The following SCAF11 variants were observed in gnomAD, a reference collection of about 807,000 sequenced individuals.
SCAF11 encodes SR-related CTD associated factor 11, also known as protein SCAF11.
SCAF11 carries 47 observed loss-of-function variants against 140.5 expected under a neutral mutation model. That is an observed-to-expected ratio of 0.33 (90% CI 0.26 to 0.43). The LOEUF (loss-of-function observed/expected upper bound fraction) is 0.43. SCAF11 is among the 20% of genes least tolerant of loss of function. The pLI, the probability that SCAF11 is intolerant of heterozygous loss-of-function variation, is 1.00. For synonymous variants in SCAF11, 557 were observed against 579.4 expected (o/e 0.96, Z 0.55); for missense variants, 1,645 against 1,705.1 (o/e 0.96, Z 0.62).
intron 3 of SCAF11, among the ~76,000 whole-genome samples, chr12:45,960,003 T>C (rs1311062879): frequency 1.3e-5 from 2 of 152,210 alleles, no homozygotes; most frequent in Non-Finnish European, 2.9e-5. Flanking sequence ...AAATATTACA[T>C]GCGGGAAAGG....
At position 45,981,559 on chromosome 12, in the gene SCAF11, G is replaced by A. The variant is rs141585724; in HGVS notation, c.-22+8794C>T. 3.8e-4 allele frequency among the ~76,000 whole-genome samples: 58 copies of A among 152,188 alleles called. No individual in the cohort carries two copies. The East Asian group carries it at 0.01, about 26-fold the overall frequency. On this transcript the variant is annotated intron_variant, in intron 1 of 14. Transcript: ENST00000369367. ...TAATCCGTCATCCTTGAATAAATAC[G>A]TTTTTGTTTTTTATCTCATTTCCCC...
rs1360873361 is a variant in SCAF11 at position 45,925,017 on chromosome 12, T to A, written c.3617A>T (p.Asn1206Ile). The A allele has an allele frequency of 6.2e-7, 1 of 1,614,192 alleles. No individual in the cohort carries two copies. Among genetic ancestry groups the A allele is most frequent in the Admixed American group, 1.7e-5 (1 of 60,030 alleles). The change falls in exon 12 of 15, where the codon AAT becomes ATT. Residue 1206 changes from asparagine (N) to isoleucine (I), a missense_variant. By Grantham distance (149) the Asn-to-Ile change is moderately radical (BLOSUM62 -3). Around this residue, in one of 2 missense-constraint regions of SCAF11, gnomAD observed 1,582 missense variants for 1,609.2 expected, o/e 0.98. Coordinates refer to ENST00000369367, the MANE Select transcript of SCAF11 (RefSeq NM_004719.3). ...TACATTCATTTGCGGTTGCATCATA[T>A]TTATAGGTAGCTGAGAACCATCAAC... is the stretch of plus-strand genomic sequence containing the variant. ...QQVDGSQLPI[N>I]MMQPQMNVMQ...
chr12:45,947,841 TAA>T (rs1945461296), intron 5 of SCAF11, among the ~76,000 whole-genome samples: 1 of 152,074 alleles, frequency 6.6e-6, no homozygotes, highest in Non-Finnish European at 1.5e-5. Flanking sequence ...CATGCCCGGC[TAA>T]TCTGTAAATT....
chr12:45,954,234 A>AT (rs988917390), intron 3 of SCAF11, among the ~76,000 whole-genome samples: 32 of 151,088 alleles, frequency 2.1e-4, no homozygotes, highest in Admixed American at 2.0e-4. Flanking sequence ...TTTTTTCTTT[A>AT]TTTTTTTTAT....
chr12:45,959,898 T>C (rs1945784972), intron 3 of SCAF11, among the ~76,000 whole-genome samples: 1 of 152,228 alleles, frequency 6.6e-6, no homozygotes, highest in Non-Finnish European at 1.5e-5. Context: ...ATTACCTTTG[T>C]TTAAACACTA....
In SCAF11 at chr12:45,951,735, G is replaced by A. The variant is rs1275151784; in HGVS notation, c.220-8C>T. 1 of 1,553,814 alleles carries A rather than the reference G, an allele frequency of 6.4e-7. No homozygotes were observed. The highest frequency in any genetic ancestry group is 1.4e-5 in the African/African-American group (1 of 74,056). Reference sequence around the variant, plus strand: ...AGGACATGAAGCCAGTGTCTGAAAAGTGATTAACAAATTATATCTTTACAA... The same window carrying A: ...AGGACATGAAGCCAGTGTCTGAAAAATGATTAACAAATTATATCTTTACAA... On this transcript the variant is annotated splice_polypyrimidine_tract_variant and splice_region_variant and intron_variant, in intron 3 of 14. Coordinates refer to ENST00000369367, the MANE Select transcript of SCAF11 (RefSeq NM_004719.3).
chr12:45,954,568 ACTTT>A lies in SCAF11; in HGVS notation c.220-2845_220-2842del, dbSNP rs1215289992. The stretch of plus-strand genomic sequence containing the variant: ...TATGACAGTTTTAATCTAAGCTGTT[ACTTT>A]TTTTTTTTTTTTTTTAACACAGGGT... On this transcript the variant is annotated intron_variant, in intron 3 of 14. Coordinates refer to ENST00000369367, the MANE Select transcript of SCAF11 (RefSeq NM_004719.3). Among the ~76,000 whole-genome samples, 376 of 138,794 alleles carry A rather than the reference ACTTT, an allele frequency of 2.7e-3. 2 individuals are homozygous for A. The highest frequency in any genetic ancestry group is 9.4e-3 in the African/African-American group (354 of 37,686). 91.1% of individuals were successfully genotyped at this position (138,794 alleles called of 152,430 possible).
Position 45,928,417 on chromosome 12 carries a change from G to T in SCAF11, c.1284C>A (p.Asp428Glu). ...TCTGCACAGTACAAATGTTACTACT[G>T]TCTACATCTGGTTGGTGCTCTTTTT... Reference protein sequence around the residue: ...VLEKEHQPDVDSSNICTVQTH... With the variant: ...VLEKEHQPDVESSNICTVQTH... The change falls in exon 11 of 15, where the codon GAC (aspartate) becomes GAA (glutamate). Residue 428 changes from aspartate (D) to glutamate (E), a missense_variant. Around this residue, in one of 2 missense-constraint regions of SCAF11, gnomAD observed 1,582 missense variants for 1,609.2 expected, o/e 0.98. Transcript: ENST00000369367. The T allele has an allele frequency of 6.2e-7, 1 of 1,613,080 alleles. No homozygotes were observed. Among genetic ancestry groups the T allele is most frequent in the Non-Finnish European group, 8.5e-7 (1 of 1,179,120 alleles).
At chr12:45,924,578 G>A in intron 12 of SCAF11, 150 bp downstream of exon 12, 3 of 636,564 alleles carry the variant, frequency 4.7e-6, no homozygotes, top group East Asian at 2.8e-5. Context: ...GAGAAGGATA[G>A]TGAAAGAGGG....
chr12:45,958,638 C>T (rs1321953449), intron 3 of SCAF11, among the ~76,000 whole-genome samples: 3 of 152,278 alleles, frequency 2.0e-5, no homozygotes, highest in Non-Finnish European at 4.4e-5. Context: ...TTCCTTGAAA[C>T]TAAATATAAT....
At chr12:45,961,639 A>G (rs940908223) in intron 3 of SCAF11, 61 bp downstream of exon 3, 11 of 1,357,294 alleles carry the variant, frequency 8.1e-6, no homozygotes, top group Admixed American at 4.4e-5. Context: ...GGCAGTATCA[A>G]CTCTTTAGGT....
intron 3 of SCAF11, among the ~76,000 whole-genome samples, chr12:45,954,480 A>G (rs955873363): frequency 6.6e-6 from 1 of 151,758 alleles, no homozygotes; most frequent in Non-Finnish European, 1.5e-5. Flanking sequence ...TAAGCGATCA[A>G]CCTGCCTTGG....
upstream of SCAF11, among the ~76,000 whole-genome samples, chr12:45,991,072 C>T (rs951798475): frequency 2.6e-5 from 4 of 152,182 alleles, no homozygotes; most frequent in African/African-American, 9.7e-5. Flanking sequence ...AAAGAGTGTC[C>T]GCATGTTTGC....
intron 8 of SCAF11, 55 bp downstream of exon 8, chr12:45,934,121 A>G (rs764210119): frequency 2.2e-5 from 20 of 913,628 alleles, no homozygotes; most frequent in Non-Finnish European, 3.0e-5. Context: ...GCAAAAGTTA[A>G]TAATTATTAA....
At chr12:45,923,297 C>A (rs566260789) in intron 12 of SCAF11, 143 bp from the exon 13 acceptor site, 1 of 648,040 alleles carries the variant, frequency 1.5e-6, no homozygotes, top group South Asian at 2.0e-5. Context: ...GTAATTATAT[C>A]TAAAGGGCCC....
upstream of SCAF11, chr12:45,990,724 A>C (rs1412258435): frequency 1.7e-6 from 1 of 582,336 alleles, no homozygotes; most frequent in Non-Finnish European, 2.4e-6. Context: ...TCTGGCCCTG[A>C]GTGCATGTTC....
rs1945552861 is a variant in SCAF11, at chr12:45,951,668, T to A, written c.279A>T (p.Ala93=). The A allele has an allele frequency of 4.4e-6, 7 of 1,588,950 alleles. No homozygotes were observed. Among genetic ancestry groups the A allele is most frequent in the Non-Finnish European group, 1.7e-6 (2 of 1,164,522 alleles). Residue 93 remains alanine (A), a synonymous_variant, in exon 4 of 15, where the codon GCA becomes GCT. Transcript: ENST00000369367. ...GACTTACCTTAACATAACCTTCCAA[T>A]GCACTGAATTTAAACACTGCCTGAA... ...KPFQAVFKFS[A]LEGYVKVQVK...
chr12:45,935,970 C>T (rs1945164548), intron 6 of SCAF11, among the ~76,000 whole-genome samples: 1 of 152,090 alleles, frequency 6.6e-6, no homozygotes, highest in Admixed American at 6.5e-5. Context: ...CAAAGTAATG[C>T]ATGTACATAC....
At chr12:45,975,295 C>T in intron 1 of SCAF11, 1 of 152,288 alleles carries the variant, frequency 6.6e-6, no homozygotes, top group South Asian at 2.1e-4. Flanking sequence ...GTCAGCCTGT[C>T]CTTGGAAGCT....
Sources: gnomAD v4.1 joint callset for allele counts (sites outside exome capture counted in the v4.1 genomes callset) on GRCh38, gnomAD v4.1.1 for gene constraint, gnomAD v4.1.1 regional missense constraint, MANE v1.5 for transcripts, NCBI Gene and HGNC (gene_info 2026-07-23, HGNC 2026-07-21) for gene names.